The following SEPTIN11 variants were observed in gnomAD, a reference collection of about 807,000 sequenced individuals.
The protein encoded by SEPTIN11 is septin-11.
SEPTIN11 carries 25 observed loss-of-function variants against 51.4 expected under a neutral mutation model. The ratio of observed to expected loss-of-function variants is 0.49; its 90% CI spans 0.35 to 0.68. SEPTIN11 has a LOEUF of 0.68. Among genes scored for constraint, SEPTIN11 ranks in the 30% least tolerant of loss-of-function variants. The pLI, the probability that SEPTIN11 is intolerant of heterozygous loss-of-function variation, is 0.00. For synonymous variants in SEPTIN11, 174 were observed against 184.1 expected, an observed-to-expected ratio of 0.95 and a Z score of 0.44; for missense variants, 381 against 520.8, an observed-to-expected ratio of 0.73 and a Z score of 2.61.
At chr4:77,014,661 CAA>C (rs11323704) in intron 4 of SEPTIN11, among the ~76,000 whole-genome samples, 193 bp from the exon 5 acceptor site, 130 of 144,834 alleles carry the variant, frequency 9.0e-4, no homozygotes, top group Middle Eastern at 3.5e-3. Flanking sequence ...ATCTCTACCC[CAA>C]AAAAAAAAAA....
At chr4:76,991,929 A>C (rs778863538) in intron 1 of SEPTIN11, among the ~76,000 whole-genome samples, 2 of 152,258 alleles carry the variant, frequency 1.3e-5, no homozygotes, top group African/African-American at 2.4e-5. Flanking sequence ...TATGTTCTAA[A>C]AAGAGAAAAG....
Position 77,011,160 on chromosome 4 carries a change from C to T in SEPTIN11, c.339-575C>T, listed in dbSNP as rs537473410. Among the ~76,000 whole-genome samples the T allele has an allele frequency of 2.8e-4, 43 of 152,276 alleles. No homozygotes were observed. In the Middle Eastern group the frequency reaches 0.01, roughly 36 times the overall value. Reference sequence around the variant, plus strand: ...CTATGGGAGCACAGACAGCCCCCATCTCTGGAGGAATAGGGCAGATGACCA... The same window carrying T: ...CTATGGGAGCACAGACAGCCCCCATTTCTGGAGGAATAGGGCAGATGACCA... On this transcript the variant is annotated intron_variant, in intron 3 of 9. Coordinates refer to ENST00000264893, the MANE Select transcript of SEPTIN11 (RefSeq NM_018243.4).
At chr4:77,021,803 C>G (rs1276126907) in intron 7 of SEPTIN11, among the ~76,000 whole-genome samples, 1 of 152,216 alleles carries the variant, frequency 6.6e-6, no homozygotes, top group Non-Finnish European at 1.5e-5. Context: ...AGTTTATTTT[C>G]TTGCAATTGC....
At chr4:76,972,068 T>C (rs141219449) in intron 1 of SEPTIN11, among the ~76,000 whole-genome samples, 21 of 152,360 alleles carry the variant, frequency 1.4e-4, no homozygotes, top group African/African-American at 4.3e-4. Context: ...TATGTGGTTA[T>C]TGGCCATTTC....
rs1299078693 is a variant in SEPTIN11, at chr4:77,028,714, A to G, written c.1039A>G (p.Met347Val). ...AGAAGAAATGAGACAAATGTTTGTT[A>G]TGAGAGTGAAGGAGAAAGAAGCTGA... Reference protein sequence around the residue: ...KEEEMRQMFVMRVKEKEAELK... With the variant: ...KEEEMRQMFVVRVKEKEAELK... The change falls in exon 8 of 10, where the codon ATG (methionine) becomes GTG (valine). Residue 347 changes from methionine to valine, a missense_variant. Coordinates refer to ENST00000264893, the MANE Select transcript of SEPTIN11 (RefSeq NM_018243.4). The G allele has an allele frequency of 3.1e-6, 5 of 1,613,874 alleles. No homozygotes were observed. The highest frequency in any genetic ancestry group is 2.5e-6 in the Non-Finnish European group (3 of 1,179,950).
At chr4:76,968,370 T>G (rs1363692840) in intron 1 of SEPTIN11, among the ~76,000 whole-genome samples, 1 of 152,164 alleles carries the variant, frequency 6.6e-6, no homozygotes, top group African/African-American at 2.4e-5. Flanking sequence ...GGACTTAAGT[T>G]GAGGCTTAAA....
intron 2 of SEPTIN11, among the ~76,000 whole-genome samples, chr4:77,004,325 T>C (rs1724331385): frequency 6.6e-6 from 1 of 152,204 alleles, no homozygotes; most frequent in African/African-American, 2.4e-5. Context: ...ACTTTCATTG[T>C]CACAAACTTC....
At chr4:76,965,278 C>A (rs1721988083) in intron 1 of SEPTIN11, among the ~76,000 whole-genome samples, 1 of 151,846 alleles carries the variant, frequency 6.6e-6, no homozygotes, top group African/African-American at 2.4e-5. Flanking sequence ...TGGTGAAACC[C>A]CATCTCTACT....
chr4:76,972,172 G>T (rs1722279197), intron 1 of SEPTIN11, among the ~76,000 whole-genome samples: 1 of 152,126 alleles, frequency 6.6e-6, no homozygotes, highest in Non-Finnish European at 1.5e-5. Flanking sequence ...TTATCTTGTT[G>T]AGGTTCATCC....
At chr4:77,016,633 C>CATATATATATATATATATATATATATAT (rs1234653472) in intron 5 of SEPTIN11, among the ~76,000 whole-genome samples, 13 of 72,744 alleles carry the variant, frequency 1.8e-4, no homozygotes, top group African/African-American at 4.2e-4. Context: ...TATATATACA[C>CATATATATATATATATATATATATATAT]ATATATATAT....
Position 76,984,668 on chromosome 4 carries a change from C to T in SEPTIN11, c.28-11757C>T, listed in dbSNP as rs979987926. On this transcript the variant is annotated intron_variant, in intron 1 of 9. Transcript: ENST00000264893. This position sits in a 1 kb window ranked among gnomAD's most constrained non-coding sequence, Gnocchi z 4.1. ...TGAGCCTCTTAATTCTATTTGACCT[C>T]CTATTCGTCACTGTTTTGAAGATAT... Among the ~76,000 whole-genome samples, 4 of 152,136 alleles carry T rather than the reference C, an allele frequency of 2.6e-5. No homozygotes were observed. The highest frequency in any genetic ancestry group is 1.3e-4 in the Admixed American group (2 of 15,274).
Position 77,034,618 on chromosome 4 carries a change from A to G in SEPTIN11, c.*106A>G. On this transcript the variant is annotated 3_prime_UTR_variant, in exon 10 of 10. Transcript: ENST00000264893. ...TTATTTTATTTTATTTTATTTTTTT[A>G]CCCTTCCTCAAACACCAGTAACTAT... 1.4e-6 allele frequency: 2 copies of G among 1,380,160 alleles called. No homozygotes were observed. The highest frequency in any genetic ancestry group is 1.9e-5 in the South Asian group (1 of 53,550). The allele number at this position is 1,380,160 out of a possible 1,614,324, so 85.5% of individuals were successfully genotyped here. A position where few individuals can be genotyped will look rare whatever the true frequency, so the allele number is the denominator to read the frequency against.
intron 7 of SEPTIN11, among the ~76,000 whole-genome samples, chr4:77,026,322 T>C (rs1257601393): frequency 6.6e-6 from 1 of 152,178 alleles, no homozygotes; most frequent in Non-Finnish European, 1.5e-5. Context: ...AGACAAGCAG[T>C]AGTTAGCAAA....
chr4:76,994,286 T>C (rs1255455866), intron 1 of SEPTIN11, among the ~76,000 whole-genome samples: 3 of 152,136 alleles, frequency 2.0e-5, no homozygotes, highest in Non-Finnish European at 4.4e-5. Flanking sequence ...TTTCAAACCC[T>C]CCTCCCCCAA....
At chr4:77,022,455 C>T (rs191051829) in intron 7 of SEPTIN11, among the ~76,000 whole-genome samples, 1 of 152,254 alleles carries the variant, frequency 6.6e-6, no homozygotes, top group African/African-American at 2.4e-5. Flanking sequence ...CTGGGTTAGA[C>T]AGTAAATATT....
Position 77,038,468 on chromosome 4 carries a change from T to G in SEPTIN11, c.*3956T>G. The G allele has an allele frequency of 1.0e-6, 1 of 985,896 alleles. No homozygotes were observed. Among genetic ancestry groups the G allele is most frequent in the Non-Finnish European group, 1.2e-6 (1 of 829,932 alleles). The allele number at this position is 985,896 out of a possible 1,614,324, so 61.1% of individuals were successfully genotyped here. A position where few individuals can be genotyped will look rare whatever the true frequency, so the allele number is the denominator to read the frequency against. On this transcript the variant is annotated 3_prime_UTR_variant, in exon 10 of 10. Transcript: ENST00000264893. The stretch of plus-strand genomic sequence containing the variant: ...AATTGTATTGATGTGAAGCATATCA[T>G]TTTTTCAAATATGAAAGTGATCACT...
chr4:76,951,514 A>T (rs533347921), intron 1 of SEPTIN11, among the ~76,000 whole-genome samples: 1 of 152,286 alleles, frequency 6.6e-6, no homozygotes, highest in South Asian at 2.1e-4. Flanking sequence ...TATAGAGGTG[A>T]AATTTATCTG....
chr4:77,027,952 TG>T, intron 7 of SEPTIN11, among the ~76,000 whole-genome samples: 1 of 143,572 alleles, frequency 7.0e-6, no homozygotes, highest in East Asian at 2.0e-4. Context: ...TGTTTACAAC[TG>T]GTAATATACT....
At chr4:76,955,542 T>C (rs1179853277) in intron 1 of SEPTIN11, among the ~76,000 whole-genome samples, 2 of 152,342 alleles carry the variant, frequency 1.3e-5, no homozygotes, top group East Asian at 3.9e-4. Flanking sequence ...TTTATAGGCA[T>C]GTATTTACTG....
Sources: gnomAD v4.1 joint callset for allele counts (sites outside exome capture counted in the v4.1 genomes callset) on GRCh38, gnomAD v4.1.1 for gene constraint, Gnocchi (gnomAD v3.1) non-coding constraint, MANE v1.5 for transcripts, NCBI Gene and HGNC (gene_info 2026-07-23, HGNC 2026-07-21) for gene names.